TRPC7: variants seen among roughly 807,000 people sequenced by gnomAD.
TRPC7 encodes the protein transient receptor potential cation channel subfamily C member 7.
Under a neutral mutation model 90.1 loss-of-function variants are expected in TRPC7, and 42 were observed. That is an observed-to-expected ratio of 0.47 (90% CI 0.36 to 0.60). The LOEUF is 0.60. Among genes scored for constraint, TRPC7 ranks in the 20% least tolerant of loss-of-function variants. The pLI is 0.00. For synonymous variants in TRPC7, 451 were observed against 436.3 expected (o/e 1.03, Z -0.42); for missense variants, 955 against 1,112.3 (o/e 0.86, Z 2.01).
intron 3 of TRPC7, among the ~76,000 whole-genome samples, chr5:136,306,851 A>T (rs1389535298): frequency 6.6e-6 from 1 of 152,130 alleles, no homozygotes; most frequent in African/African-American, 2.4e-5. Flanking sequence ...CTGCCCGCAA[A>T]ACATTGTTCT....
intron 2 of TRPC7, among the ~76,000 whole-genome samples, chr5:136,326,836 C>T (rs1333340810): frequency 6.6e-6 from 1 of 151,944 alleles, no homozygotes; most frequent in Non-Finnish European, 1.5e-5. Context: ...AGTGACAGAT[C>T]ATGGAATTGA....
chr5:136,320,773 T>C (rs1411631719), intron 2 of TRPC7, among the ~76,000 whole-genome samples: 1 of 152,178 alleles, frequency 6.6e-6, no homozygotes, highest in African/African-American at 2.4e-5. Flanking sequence ...TTCCCCTTGC[T>C]TGGACTCCTC....
In TRPC7 at chr5:136,282,446, A is replaced by C. The variant is rs147787809; in HGVS notation, c.964-7609T>G. ...ACATTTTGTATTTTATTTTTACATA[A>C]TTATTTTAAAATGACACTTTAAAAT... On this transcript the variant is annotated intron_variant, in intron 3 of 11. Coordinates refer to ENST00000513104, the MANE Select transcript of TRPC7 (RefSeq NM_020389.3). Among the ~76,000 whole-genome samples, 21 of 152,324 alleles carry C rather than the reference A, an allele frequency of 1.4e-4. 1 individual carries two copies. Among genetic ancestry groups the C allele is most frequent in the African/African-American group, 5.1e-4 (21 of 41,576 alleles).
At chr5:136,312,976 T>TC (rs1373161526) in intron 3 of TRPC7, among the ~76,000 whole-genome samples, 18 of 98,870 alleles carry the variant, frequency 1.8e-4, no homozygotes, top group Admixed American at 4.8e-4. Flanking sequence ...GTGATTCTTT[T>TC]TTTTTTTTTT....
chr5:136,358,306 G>A (rs1760455430), intron 1 of TRPC7, among the ~76,000 whole-genome samples: 1 of 152,174 alleles, frequency 6.6e-6, no homozygotes, highest in African/African-American at 2.4e-5. Flanking sequence ...TCCCAGTGTG[G>A]CCTAGTGTAG....
intron 10 of TRPC7, among the ~76,000 whole-genome samples, chr5:136,220,740 T>C (rs905986450): frequency 6.6e-5 from 10 of 152,216 alleles, no homozygotes; most frequent in Non-Finnish European, 7.3e-5. Flanking sequence ...TTGAAGCATG[T>C]GATCTTGTGA....
At chr5:136,333,749 C>T (rs1024670097) in intron 2 of TRPC7, among the ~76,000 whole-genome samples, 1 of 152,128 alleles carries the variant, frequency 6.6e-6, no homozygotes, top group African/African-American at 2.4e-5. Flanking sequence ...AGTGAGAGCT[C>T]AATATGTGGC....
chr5:136,358,699 G>A (rs1017235354), intron 1 of TRPC7, among the ~76,000 whole-genome samples: 1 of 152,200 alleles, frequency 6.6e-6, no homozygotes, highest in Non-Finnish European at 1.5e-5. Flanking sequence ...GCAGGTCCCA[G>A]CTTCTAGATC....
intron 7 of TRPC7, among the ~76,000 whole-genome samples, chr5:136,234,131 T>C (rs1462696735): frequency 6.6e-6 from 1 of 152,198 alleles, no homozygotes; most frequent in Non-Finnish European, 1.5e-5. Context: ...ATCTGTTTTA[T>C]TTCTGTTCTG....
intron 1 of TRPC7, among the ~76,000 whole-genome samples, chr5:136,358,809 G>A (rs1760470715): frequency 6.6e-6 from 1 of 152,130 alleles, no homozygotes; most frequent in South Asian, 2.1e-4. Context: ...GGTTCTACCT[G>A]TATTTTCTAT....
chr5:136,312,878 C>T (rs190488548), intron 3 of TRPC7, among the ~76,000 whole-genome samples: 7 of 151,864 alleles, frequency 4.6e-5, no homozygotes, highest in Middle Eastern at 3.4e-3. Context: ...ATTAGTTTCC[C>T]GAAGACTGAT....
chr5:136,215,340 A>AATGTCCCCTACTCCCAAG (rs1361853177), intron 11 of TRPC7, among the ~76,000 whole-genome samples: 1 of 152,286 alleles, frequency 6.6e-6, no homozygotes, highest in African/African-American at 2.4e-5. Context: ...GAGGCAGAGG[A>AATGTCCCCTACTCCCAAG]ATGTCCCCTA....
rs532457312 is a variant in TRPC7, at chr5:136,302,859, C to T, written c.963+12738G>A. Among the ~76,000 whole-genome samples, 4 of 152,138 alleles carry T rather than the reference C, an allele frequency of 2.6e-5. No individual in the cohort carries two copies. In the East Asian group the frequency reaches 5.8e-4, roughly 22 times the overall value. ...CCTAGTCTCTGTGCCCAATGAAACTCATCCCAAATCTTCCTTCTTTCCCTC... is the reference window on the plus strand; with the variant it reads ...CCTAGTCTCTGTGCCCAATGAAACTTATCCCAAATCTTCCTTCTTTCCCTC... On this transcript the variant is annotated intron_variant, in intron 3 of 11. Transcript: ENST00000513104.
rs1755589004 is a variant in TRPC7, at chr5:136,225,302, T to C, written c.2315A>G (p.Asn772Ser). 6.2e-7 allele frequency: 1 copy of C among 1,613,250 alleles called. No individual in the cohort carries two copies. The highest frequency in any genetic ancestry group is 8.5e-7 in the Non-Finnish European group (1 of 1,179,732). The change falls in exon 10 of 12, where the codon AAC becomes AGC. Residue 772 changes from asparagine (N) to serine (S), a missense_variant. Coordinates refer to ENST00000513104, the MANE Select transcript of TRPC7 (RefSeq NM_020389.3). ...GTATCTGGTGGGCTTGCTCAAAGTG[T>C]TATTTGCTGTCAGATTTTCAGAATT... The part of the protein sequence containing the change: ...MRNSENLTAN[N>S]TLSKPTRYQK...
intron 3 of TRPC7, among the ~76,000 whole-genome samples, chr5:136,292,429 T>C (rs80052375): frequency 0.64 from 96,578 of 151,516 alleles, 31,383 homozygotes; most frequent in African/African-American, 0.78. Flanking sequence ...AGAGAAGAAT[T>C]AAATAGACGC....
intron 11 of TRPC7, among the ~76,000 whole-genome samples, chr5:136,214,824 C>T (rs552559774): frequency 3.3e-5 from 5 of 152,140 alleles, no homozygotes; most frequent in East Asian, 1.9e-4. Flanking sequence ...GCTAGGAGAA[C>T]AGAAACTTCA....
intron 3 of TRPC7, among the ~76,000 whole-genome samples, chr5:136,290,216 A>T (rs1757889708): frequency 6.6e-6 from 1 of 152,132 alleles, no homozygotes; most frequent in African/African-American, 2.4e-5. Flanking sequence ...AAAACTGGAA[A>T]CTCTAAAAAT....
chr5:136,220,831 A>C (rs1344444433), intron 10 of TRPC7, among the ~76,000 whole-genome samples: 2 of 152,094 alleles, frequency 1.3e-5, no homozygotes, highest in African/African-American at 4.8e-5. Context: ...GGTGGGCATC[A>C]TGGTCCTACC....
chr5:136,268,379 C>T lies in TRPC7; in HGVS notation c.1129-1943G>A, dbSNP rs1026863221. 1.2e-4 allele frequency among the ~76,000 whole-genome samples: 19 copies of T among 152,100 alleles called. 1 individual carries two copies. Among genetic ancestry groups the T allele is most frequent in the African/African-American group, 4.6e-4 (19 of 41,408 alleles). On this transcript the variant is annotated intron_variant, in intron 4 of 11. Transcript: ENST00000513104. ...AAGGGATACCAGGTCTTGTGTATCC[C>T]AGCAAGGTTTCAAGAATGTTAGAAA...
Sources: allele counts gnomAD v4.1 joint callset (sites outside exome capture counted in the v4.1 genomes callset), GRCh38; gene constraint gnomAD v4.1.1; transcripts MANE v1.5; gene names NCBI Gene and HGNC (gene_info 2026-07-23, HGNC 2026-07-21).